PHKB: variants seen among roughly 807,000 people sequenced by gnomAD.
PHKB encodes phosphorylase b kinase regulatory subunit beta.
PHKB carries 122 observed loss-of-function variants against 152.1 expected under a neutral mutation model. The ratio of observed to expected loss-of-function variants is 0.80; its 90% CI spans 0.69 to 0.93. The LOEUF is 0.93. Among genes scored for constraint, PHKB ranks in the 40% least tolerant of loss-of-function variants. The pLI is 0.00. For synonymous variants in PHKB, 436 were observed against 464.9 expected (o/e 0.94, Z 0.80); for missense variants, 1,304 against 1,328.4 (o/e 0.98, Z 0.29).
chr16:47,598,800 T>A, intron 13 of PHKB: 1 of 1,594,758 alleles, frequency 6.3e-7, no homozygotes, highest in Non-Finnish European at 8.6e-7. Context: ...GTTGGTCTTC[T>A]AATTTTTTAA....
At chr16:47,505,110 C>T (rs1004416421) in intron 4 of PHKB, among the ~76,000 whole-genome samples, 7 of 152,204 alleles carry the variant, frequency 4.6e-5, no homozygotes, top group African/African-American at 1.7e-4. Flanking sequence ...TTCCAAAACC[C>T]ACCCCACATG....
At chr16:47,546,006 A>T (rs1971157066) in intron 6 of PHKB, among the ~76,000 whole-genome samples, 1 of 152,098 alleles carries the variant, frequency 6.6e-6, no homozygotes, top group African/African-American at 2.4e-5. Context: ...CTTTTTTCAA[A>T]GTTTTTAGCT....
chr16:47,587,540 C>A, intron 8 of PHKB, 128 bp from the exon 9 acceptor site: 2 of 662,054 alleles, frequency 3.0e-6, no homozygotes, highest in Non-Finnish European at 2.7e-6. Context: ...AAATTTAAAT[C>A]TTCTGGAACT....
intron 24 of PHKB, chr16:47,664,273 AAATTCACAATGGAGGGCC>A (rs1490486738): frequency 2.5e-5 from 4 of 158,700 alleles, no homozygotes; most frequent in African/African-American, 9.6e-5. Context: ...AAAATTGTTT[AAATTCACAATGGAGGGCC>A]AATTCACATG....
chr16:47,639,095 T>G (rs1444629350), intron 14 of PHKB, among the ~76,000 whole-genome samples: 1 of 152,028 alleles, frequency 6.6e-6, no homozygotes, highest in Non-Finnish European at 1.5e-5. Context: ...GGCAACATGG[T>G]GAAACCTGTC....
intron 6 of PHKB, among the ~76,000 whole-genome samples, chr16:47,531,261 T>C (rs1246809221): frequency 6.6e-6 from 1 of 152,216 alleles, no homozygotes; most frequent in African/African-American, 2.4e-5. Context: ...ATAAAAGATA[T>C]TGGAAGCCAC....
chr16:47,637,223 A>G (rs1597141042), intron 14 of PHKB, among the ~76,000 whole-genome samples: 1 of 152,152 alleles, frequency 6.6e-6, no homozygotes, highest in Non-Finnish European at 1.5e-5. Flanking sequence ...ATGTCACTCA[A>G]TAAAGCTCCT....
intron 8 of PHKB, among the ~76,000 whole-genome samples, chr16:47,581,534 A>G (rs2151693373): frequency 6.7e-6 from 1 of 148,582 alleles, no homozygotes; most frequent in Middle Eastern, 3.5e-3. Context: ...CTATTTAACT[A>G]AGCCTCAGCT....
chr16:47,574,128 C>G (rs2151689501), intron 7 of PHKB, among the ~76,000 whole-genome samples: 2 of 152,292 alleles, frequency 1.3e-5, no homozygotes, highest in South Asian at 4.2e-4. Flanking sequence ...CCATGTTGAC[C>G]AGGCTGGTCT....
At chr16:47,568,720 G>A (rs1567309762) in intron 7 of PHKB, among the ~76,000 whole-genome samples, 1 of 152,040 alleles carries the variant, frequency 6.6e-6, no homozygotes, top group Non-Finnish European at 1.5e-5. Flanking sequence ...GGTAACTTGT[G>A]TCACTGTTAT....
At position 47,645,186 on chromosome 16, in the gene PHKB, T is replaced by G. The variant is rs1973093467; in HGVS notation, c.1609-3347T>G. 2.0e-5 allele frequency among the ~76,000 whole-genome samples: 3 copies of G among 150,858 alleles called. No homozygotes were observed. The South Asian group carries it at 6.4e-4, about 32-fold the overall frequency. The stretch of plus-strand genomic sequence containing the variant: ...GTTGCCTGTTCACTCTGATGGTAGT[T>G]TCTTTTGCTGTGCAGAAGCTCTTTA... On this transcript the variant is annotated intron_variant, in intron 16 of 30. Transcript: ENST00000323584.
At chr16:47,695,971 G>C (rs1366259023) in intron 28 of PHKB, among the ~76,000 whole-genome samples, 1 of 152,170 alleles carries the variant, frequency 6.6e-6, no homozygotes, top group Non-Finnish European at 1.5e-5. Context: ...GCTCAGAAAG[G>C]AGCTGCCACA....
At chr16:47,471,257 G>A (rs567484427) in intron 1 of PHKB, among the ~76,000 whole-genome samples, 1 of 152,144 alleles carries the variant, frequency 6.6e-6, no homozygotes, top group Non-Finnish European at 1.5e-5. Context: ...TACTGAAAAG[G>A]CCATTATGGG....
intron 1 of PHKB, among the ~76,000 whole-genome samples, chr16:47,472,247 T>C (rs1196421887): frequency 6.6e-6 from 1 of 152,210 alleles, no homozygotes; most frequent in African/African-American, 2.4e-5. Context: ...GGCAGAAGGA[T>C]GCATTTAGAC....
intron 12 of PHKB, among the ~76,000 whole-genome samples, chr16:47,595,415 C>T (rs1316023863): frequency 6.6e-6 from 1 of 152,166 alleles, no homozygotes. Context: ...CTGTAGCATC[C>T]TACATAGATT....
intron 7 of PHKB, among the ~76,000 whole-genome samples, chr16:47,574,206 C>A (rs1971712143): frequency 1.3e-5 from 2 of 152,352 alleles, no homozygotes; most frequent in Middle Eastern, 3.4e-3. Context: ...AGGCATGAGC[C>A]ATCACTTCTC....
At chr16:47,615,427 G>A (rs977480057) in intron 14 of PHKB, among the ~76,000 whole-genome samples, 49 of 152,342 alleles carry the variant, frequency 3.2e-4, no homozygotes, top group African/African-American at 1.1e-3. Context: ...CCAGGACTTT[G>A]AAGTTGCTGC....
intron 6 of PHKB, among the ~76,000 whole-genome samples, chr16:47,526,382 C>G (rs1189424124): frequency 6.6e-6 from 1 of 151,938 alleles, no homozygotes; most frequent in African/African-American, 2.4e-5. Flanking sequence ...TGCACTCCAG[C>G]CCGGGCGACA....
At chr16:47,506,826 C>A (rs1385046547) in intron 4 of PHKB, among the ~76,000 whole-genome samples, 1 of 152,138 alleles carries the variant, frequency 6.6e-6, no homozygotes, top group Non-Finnish European at 1.5e-5. Context: ...AAAAAAAGAA[C>A]AAAATTGCAA....
Sources: gnomAD v4.1 joint callset for allele counts (sites outside exome capture counted in the v4.1 genomes callset) on GRCh38, gnomAD v4.1.1 for gene constraint, MANE v1.5 for transcripts, NCBI Gene and HGNC (gene_info 2026-07-23, HGNC 2026-07-21) for gene names.